AMOTL1: variants seen among roughly 807,000 people sequenced by gnomAD.
AMOTL1 encodes the protein angiomotin like 1.
In AMOTL1, 45 loss-of-function variants were observed where a neutral mutation model predicts 102.9. The ratio of observed to expected loss-of-function variants is 0.44; its 90% CI spans 0.34 to 0.56. The LOEUF is 0.56. Ranked by LOEUF, AMOTL1 falls within the 20% of genes least tolerant of loss-of-function variation. The probability of loss-of-function intolerance (pLI) is 0.01; values close to 1 mark genes in which losing one functional copy is unlikely to be tolerated. For synonymous variants in AMOTL1, 481 were observed against 484.7 expected, an observed-to-expected ratio of 0.99 and a Z score of 0.10; for missense variants, 1,114 against 1,225.6, an observed-to-expected ratio of 0.91 and a Z score of 1.36.
In AMOTL1 at chr11:94,817,760, A is replaced by T. The variant is rs543625476; in HGVS notation, c.1122-3770A>T. ...ATGCAGGTTTCTGATAACTTTGGAG[A>T]CTGTGACACTAGAATAGAGGAAAAA... On this transcript the variant is annotated intron_variant, in intron 3 of 12. Coordinates refer to ENST00000433060, the MANE Select transcript of AMOTL1 (RefSeq NM_130847.3). Among the ~76,000 whole-genome samples, 7 of 152,272 alleles carry T rather than the reference A, an allele frequency of 4.6e-5. No individual in the cohort carries two copies. The East Asian group carries it at 1.2e-3, about 25-fold the overall frequency.
intron 4 of AMOTL1, among the ~76,000 whole-genome samples, chr11:94,822,559 C>T (rs1951885598): frequency 6.6e-6 from 1 of 152,192 alleles, no homozygotes; most frequent in Non-Finnish European, 1.5e-5. Context: ...CAAAAAGCAG[C>T]CTTGCCTCAA....
In AMOTL1 at chr11:94,831,485, G is replaced by T. The variant is rs549410861; in HGVS notation, c.1592G>T (p.Ser531Ile). Residue 531 changes from serine to isoleucine, a missense_variant, in exon 6 of 13, where the codon AGC becomes ATC. Coordinates refer to ENST00000433060, the MANE Select transcript of AMOTL1 (RefSeq NM_130847.3). ...RLETANRQLS[S>I]REYEGHEDKA... ...GAGACTGCTAACAGGCAACTATCCA[G>T]CAGGGAATACGAAGGGCATGAAGAC... 5.1e-5 allele frequency: 83 copies of T among 1,613,898 alleles called. 1 individual carries two copies. The South Asian group carries it at 8.9e-4, about 17-fold the overall frequency.
chr11:94,712,272 T>C lies in AMOTL1; in HGVS notation c.-51+5675T>C, dbSNP rs1280792285. Among the ~76,000 whole-genome samples, 4 of 152,000 alleles carry C rather than the reference T, an allele frequency of 2.6e-5. No individual in the cohort carries two copies. The East Asian group carries it at 7.7e-4, about 29-fold the overall frequency. On this transcript the variant is annotated intron_variant, in intron 1 of 4. Transcript: ENST00000299004. ...TGTCTATTTATGCCTTTTGCCCCAA[T>C]AAATGGGATAGCTGGCTAGCTATAT...
intron 2 of AMOTL1, among the ~76,000 whole-genome samples, chr11:94,731,710 G>A (rs1215422318): frequency 6.6e-6 from 1 of 152,036 alleles, no homozygotes; most frequent in African/African-American, 2.4e-5. Context: ...TTGGCCTGAA[G>A]AGGCTGAGAA....
intron 6 of AMOTL1, among the ~76,000 whole-genome samples, chr11:94,841,168 C>T (rs546465995): frequency 3.3e-5 from 5 of 152,238 alleles, no homozygotes; most frequent in Admixed American, 6.5e-5. Context: ...AGGCCAGTCA[C>T]GGTGGCTCAC....
At chr11:94,841,752 G>A (rs896215561) in intron 6 of AMOTL1, among the ~76,000 whole-genome samples, 23 of 152,280 alleles carry the variant, frequency 1.5e-4, no homozygotes, top group African/African-American at 5.3e-4. Context: ...CCTCAGTCAG[G>A]CAAGTTTGTA....
intron 3 of AMOTL1, among the ~76,000 whole-genome samples, chr11:94,807,601 T>A (rs1029719862): frequency 6.6e-6 from 1 of 152,174 alleles, no homozygotes; most frequent in African/African-American, 2.4e-5. Context: ...CCTTCCGGTC[T>A]TTTTTTCCTT....
intron 1 of AMOTL1, among the ~76,000 whole-genome samples, chr11:94,775,081 A>G (rs1455474738): frequency 6.6e-6 from 1 of 152,198 alleles, no homozygotes; most frequent in African/African-American, 2.4e-5. Flanking sequence ...TTCTAAGGTT[A>G]TTGTGTGGCT....
chr11:94,817,841 C>T (rs1033226158), intron 3 of AMOTL1, among the ~76,000 whole-genome samples: 1 of 152,176 alleles, frequency 6.6e-6, no homozygotes, highest in African/African-American at 2.4e-5. Context: ...CAGAACATGA[C>T]TTAATTACGT....
intron 1 of AMOTL1, among the ~76,000 whole-genome samples, chr11:94,774,114 C>G (rs1950991664): frequency 6.6e-6 from 1 of 152,194 alleles, no homozygotes; most frequent in South Asian, 2.1e-4. Flanking sequence ...ATTACTAAAA[C>G]AGCAGAGAAG....
intron 1 of AMOTL1, among the ~76,000 whole-genome samples, chr11:94,776,757 G>A (rs778928743): frequency 3.9e-5 from 6 of 152,222 alleles, no homozygotes; most frequent in Non-Finnish European, 5.9e-5. Flanking sequence ...CACGGGTGGT[G>A]TTCTGGAGGG....
intron 2 of AMOTL1, among the ~76,000 whole-genome samples, chr11:94,738,759 G>T (rs1177172878): frequency 6.6e-6 from 1 of 152,206 alleles, no homozygotes; most frequent in Non-Finnish European, 1.5e-5. Context: ...CATGAGGAGA[G>T]TGAGGGGCAG....
intron 1 of AMOTL1, among the ~76,000 whole-genome samples, chr11:94,793,046 T>G (rs1951312011): frequency 6.6e-6 from 1 of 152,028 alleles, no homozygotes; most frequent in Non-Finnish European, 1.5e-5. Flanking sequence ...AGCCCTACAC[T>G]CTTCTTTATA....
At position 94,821,621 on chromosome 11, in the gene AMOTL1, G is replaced by C. The variant is rs761497933; in HGVS notation, c.1213G>C (p.Val405Leu). Residue 405 changes from valine to leucine, a missense_variant, in exon 4 of 13, where the codon GTC (valine) becomes CTC (leucine). Physicochemically the swap from Val to Leu is conservative, Grantham distance 32 (BLOSUM62 1). Coordinates refer to ENST00000433060, the MANE Select transcript of AMOTL1 (RefSeq NM_130847.3). ...TSSASGPLHS[V>L]SLPLPLPMAL... ...TTCCGCCAGCGGGCCACTGCACTCTGTCTCCCTGCCGCTTCCACTCCCGAT... is the reference window on the plus strand; with the variant it reads ...TTCCGCCAGCGGGCCACTGCACTCTCTCTCCCTGCCGCTTCCACTCCCGAT... 3 of 1,613,740 alleles carry C rather than the reference G, an allele frequency of 1.9e-6. No individual in the cohort carries two copies. Among genetic ancestry groups the C allele is most frequent in the African/African-American group, 1.3e-5 (1 of 75,052 alleles).
intron 1 of AMOTL1, among the ~76,000 whole-genome samples, chr11:94,791,171 AAATGACGTGC>A (rs755970983): frequency 6.6e-6 from 1 of 152,248 alleles, no homozygotes; most frequent in Non-Finnish European, 1.5e-5. Flanking sequence ...TCATGTTGAC[AAATGACGTGC>A]AGATTTTGTT....
intron 1 of AMOTL1, among the ~76,000 whole-genome samples, chr11:94,721,168 T>C (rs1057068858): frequency 6.6e-6 from 1 of 152,068 alleles, no homozygotes; most frequent in Non-Finnish European, 1.5e-5. Context: ...GTCTGTACCA[T>C]GTGTAGCTAT....
Position 94,864,810 on chromosome 11 carries a change from G to A in AMOTL1, c.2211G>A (p.Glu737=), listed in dbSNP as rs763710889. ...ESSLEAHIWQ[E]EEEVVQANRR... ...CGCTGGAGGCCCACATCTGGCAAGA[G>A]GAGGAGGAGGTGGTGCAGGCCAACA... Residue 737 remains glutamate (E), a synonymous_variant, in exon 10 of 13, where the codon GAG becomes GAA. Coordinates refer to ENST00000433060, the MANE Select transcript of AMOTL1 (RefSeq NM_130847.3). The A allele has an allele frequency of 1.9e-6, 3 of 1,612,136 alleles. No individual in the cohort carries two copies. The South Asian group carries it at 3.3e-5, about 18-fold the overall frequency.
intron 3 of AMOTL1, among the ~76,000 whole-genome samples, chr11:94,809,434 A>C (rs1161589129): frequency 1.3e-5 from 2 of 152,218 alleles, no homozygotes; most frequent in African/African-American, 4.8e-5. Flanking sequence ...ACTGACATGC[A>C]CTGACATCAG....
At position 94,831,538 on chromosome 11, in the gene AMOTL1, C is replaced by G. The variant is rs774643507; in HGVS notation, c.1645C>G (p.Gln549Glu). 1 of 1,612,630 alleles carries G rather than the reference C, an allele frequency of 6.2e-7. No homozygotes were observed. Among genetic ancestry groups the G allele is most frequent in the East Asian group, 2.2e-5 (1 of 44,890 alleles). Residue 549 changes from glutamine (Q) to glutamate (E), a missense_variant, in exon 6 of 13, where the codon CAG (glutamine) becomes GAG (glutamate). Gln to Glu is a conservative substitution (Grantham distance 29, BLOSUM62 2). Transcript: ENST00000433060. ...AGCTGCAGAGGGGCATTATGCTTCC[C>G]AGAGTGAGTCTCCACTTATTTATTA... ...DKAAEGHYAS[Q>E]NKEFLKEKEK...
Sources: allele counts gnomAD v4.1 joint callset (sites outside exome capture counted in the v4.1 genomes callset), GRCh38; gene constraint gnomAD v4.1.1; transcripts MANE v1.5; gene names NCBI Gene and HGNC (gene_info 2026-07-23, HGNC 2026-07-21).